Variants in ZNF304 observed in about 807,000 individuals in gnomAD.
ZNF304 encodes KRAB-containing zinc finger protein.
In ZNF304, 7 loss-of-function variants were observed where a neutral mutation model predicts 7.8. The observed-to-expected ratio is 0.90, with a 90% CI of 0.51 to 1.69. ZNF304 has a LOEUF of 1.69. ZNF304 is among the 40% of genes most tolerant of loss of function. The pLI is 0.00. For missense variants in ZNF304, 669 were observed against 804.8 expected, an observed-to-expected ratio of 0.83 and a Z score of 2.04; for synonymous variants, 280 against 272.4, an observed-to-expected ratio of 1.03 and a Z score of -0.27.
At position 57,351,432 on chromosome 19, in the gene ZNF304, G is replaced by A. The variant is rs552377900; in HGVS notation, c.-233G>A. On this transcript the variant is annotated 5_prime_UTR_variant, in exon 1 of 3. Transcript: ENST00000282286. The surrounding 1 kb of genome is among the most constrained non-coding windows in gnomAD (Gnocchi z 4.1). ...TGTTACAATCCATGACCCCTGTCGT[G>A]GGACGGGCGGCCTCTCGCGGAGGTG... 5.3e-5 allele frequency: 31 copies of A among 585,756 alleles called. No individual in the cohort carries two copies. The African/African-American group carries it at 5.5e-4, about 10-fold the overall frequency. 36.3% of individuals were successfully genotyped at this position (585,756 alleles called of 1,614,324 possible). A position where few individuals can be genotyped will look rare whatever the true frequency, so the allele number is the denominator to read the frequency against.
chr19:57,357,210 C>T lies in ZNF304; in HGVS notation c.1341C>T (p.Tyr447=), dbSNP rs755061704. 6.2e-6 allele frequency: 10 copies of T among 1,612,738 alleles called. No individual in the cohort carries two copies. Among genetic ancestry groups the T allele is most frequent in the Admixed American group, 1.7e-5 (1 of 59,848 alleles). Residue 447 remains tyrosine (Y), a synonymous_variant, in exon 3 of 3, where the codon TAC becomes TAT. Transcript: ENST00000282286. ...HRRVHTGARS[Y]VCSKCGKAFG... ...GAGTCCACACAGGAGCAAGATCCTA[C>T]GTGTGCAGCAAATGTGGGAAGGCCT...
chr19:57,353,122 T>G (rs1364342669), intron 1 of ZNF304, among the ~76,000 whole-genome samples: 1 of 152,148 alleles, frequency 6.6e-6, no homozygotes, highest in Non-Finnish European at 1.5e-5. Context: ...AGTAAGAAAG[T>G]TGAAACTGGA....
Position 57,357,874 on chromosome 19 carries a change from A to C in ZNF304, c.*25A>C, listed in dbSNP as rs141100868. On this transcript the variant is annotated 3_prime_UTR_variant, in exon 3 of 3. Transcript: ENST00000282286. ...ACACCAGAAAATTCACACAAGAGAA[A>C]GGCCTTATGAATGCAGAAAATATGT... 154 of 1,562,226 alleles carry C rather than the reference A, an allele frequency of 9.9e-5. No homozygotes were observed. The East Asian group carries it at 2.9e-3, about 29-fold the overall frequency.
chr19:57,358,426 T>G lies in ZNF304; in HGVS notation c.*577T>G, dbSNP rs924234984. The G allele has an allele frequency of 2.6e-5, 4 of 153,036 alleles. No individual in the cohort carries two copies. The highest frequency in any genetic ancestry group is 9.7e-5 in the African/African-American group (4 of 41,450). 9.5% of individuals were successfully genotyped at this position (153,036 alleles called of 1,614,324 possible). On this transcript the variant is annotated 3_prime_UTR_variant, in exon 3 of 3. Coordinates refer to ENST00000282286, the MANE Select transcript of ZNF304 (RefSeq NM_020657.4). The stretch of plus-strand genomic sequence containing the variant: ...ACGTGATAGCTGTGACTTACTTGTC[T>G]TACTGCCAAATCGCCCAAATTTGGA...
Position 57,357,409 on chromosome 19 carries a change from C to T in ZNF304, c.1540C>T (p.His514Tyr), listed in dbSNP as rs781252107. 2.5e-6 allele frequency: 4 copies of T among 1,613,930 alleles called. No individual in the cohort carries two copies. Among genetic ancestry groups the T allele is most frequent in the Non-Finnish European group, 3.4e-6 (4 of 1,180,030 alleles). Residue 514 changes from histidine to tyrosine, a missense_variant, in exon 3 of 3, where the codon CAT becomes TAT. Transcript: ENST00000282286. ...ECGECGKFFS[H>Y]SSNLIVHQRI... ...TGGTGAATGTGGTAAATTCTTCAGC[C>T]ATAGCTCCAACCTTATTGTACACCA...
At position 57,351,952 on chromosome 19, in the gene ZNF304, CAG is replaced by C. The variant is rs141290549; in HGVS notation, c.33+258_33+259del. 5.4e-3 allele frequency: 2,462 copies of C among 454,924 alleles called. 51 individuals carry two copies. The highest frequency in any genetic ancestry group is 0.044 in the African/African-American group (2,175 of 49,070). The allele number at this position is 454,924 out of a possible 1,614,324, so 28.2% of individuals were successfully genotyped here. A position where few individuals can be genotyped will look rare whatever the true frequency, so the allele number is the denominator to read the frequency against. ...CTGGTGAGAACAGGGACTAGGGGGT[CAG>C]AGGTAGGCCTGGAATGGCCGCCCGA... On this transcript the variant is annotated intron_variant, in intron 1 of 2. Transcript: ENST00000282286. This position sits in a 1 kb window ranked among gnomAD's most constrained non-coding sequence, Gnocchi z 4.1.
Position 57,356,783 on chromosome 19 carries a change from G to T in ZNF304, c.914G>T (p.Arg305Ile). The T allele has an allele frequency of 6.2e-7, 1 of 1,614,188 alleles. No homozygotes were observed. Among genetic ancestry groups the T allele is most frequent in the South Asian group, 1.1e-5 (1 of 91,072 alleles). Residue 305 changes from arginine to isoleucine, a missense_variant, in exon 3 of 3, where the codon AGA (arginine) becomes ATA (isoleucine). Coordinates refer to ENST00000282286, the MANE Select transcript of ZNF304 (RefSeq NM_020657.4). The part of the protein sequence containing the change: ...KMHQKFHTGK[R>I]HYTCSECGKA... ...CACCAGAAATTTCACACTGGAAAAAGACACTATACATGCAGTGAATGTGGG... is the reference window on the plus strand; with the variant it reads ...CACCAGAAATTTCACACTGGAAAAATACACTATACATGCAGTGAATGTGGG...
Position 57,356,946 on chromosome 19 carries a change from A to G in ZNF304, c.1077A>G (p.Gly359=). 8 of 1,605,044 alleles carry G rather than the reference A, an allele frequency of 5.0e-6. No homozygotes were observed. The highest frequency in any genetic ancestry group is 6.8e-6 in the Non-Finnish European group (8 of 1,172,676). ...TTCAGCACCAGAGAATTCACACAGG[A>G]GAAAGGCCTTATAAGTGCAACAAAT... ...HLVQHQRIHT[G]ERPYKCNKCG... Residue 359 remains glycine (G), a synonymous_variant, in exon 3 of 3, where the codon GGA becomes GGG. Coordinates refer to ENST00000282286, the MANE Select transcript of ZNF304 (RefSeq NM_020657.4).
chr19:57,355,438 G>T, intron 2 of ZNF304: 1 of 734,500 alleles, frequency 1.4e-6, no homozygotes, highest in South Asian at 1.4e-5. Flanking sequence ...GGTTCAAATC[G>T]AACCTTCAAC....
chr19:57,353,739 C>T lies in ZNF304; in HGVS notation c.48C>T (p.Phe16=), dbSNP rs1194240879. Residue 16 remains phenylalanine (F), a synonymous_variant, in exon 2 of 3, where the codon TTC becomes TTT. Transcript: ENST00000282286. ...TATCATGGCAGAGTTGTGTGACCTT[C>T]GAGGATGTGTTCGTGTACTTCTCTC... is the stretch of plus-strand genomic sequence containing the variant. The part of the protein sequence containing the change: ...LMDRVQSCVT[F]EDVFVYFSRE... The T allele has an allele frequency of 4.3e-6, 7 of 1,611,556 alleles. No individual in the cohort carries two copies. In the South Asian group the frequency reaches 4.4e-5, roughly 10 times the overall value.
At position 57,357,989 on chromosome 19, in the gene ZNF304, T is replaced by C. The variant is rs552859442; in HGVS notation, c.*140T>C. On this transcript the variant is annotated 3_prime_UTR_variant, in exon 3 of 3. Coordinates refer to ENST00000282286, the MANE Select transcript of ZNF304 (RefSeq NM_020657.4). ...ACCATCAGCTAGCAGATGAGCACCG[T>C]ATATTCATTCCACCCTGGGGAGATT... 53 of 1,059,694 alleles carry C rather than the reference T, an allele frequency of 5.0e-5. 1 individual carries two copies. The South Asian group carries it at 8.2e-4, about 16-fold the overall frequency. The allele number at this position is 1,059,694 out of a possible 1,614,324, so 65.6% of individuals were successfully genotyped here.
At position 57,351,633 on chromosome 19, in the gene ZNF304, C is replaced by T. The variant is rs760033882; in HGVS notation, c.-32C>T. ...GTGGAGGCGTGGGGTTTCGGCTGAG[C>T]CCACAGGGCACAGACTGTTCATCCG... On this transcript the variant is annotated 5_prime_UTR_variant, in exon 1 of 3. Transcript: ENST00000282286. The surrounding 1 kb of genome is among the most constrained non-coding windows in gnomAD (Gnocchi z 4.1). 8.1e-6 allele frequency: 13 copies of T among 1,613,042 alleles called. No homozygotes were observed. The highest frequency in any genetic ancestry group is 2.2e-5 in the East Asian group (1 of 44,844).
chr19:57,353,919 A>G (rs1198134345), intron 2 of ZNF304, 68 bp downstream of exon 2: 1 of 1,243,690 alleles, frequency 8.0e-7, no homozygotes, highest in African/African-American at 1.5e-5. Flanking sequence ...ACTGCAAACA[A>G]TAAAAATCAA....
chr19:57,356,431 A>C lies in ZNF304; in HGVS notation c.562A>C (p.Thr188Pro). ...DSSGLFQHQT[T>P]YNRVSPCRRT... ...CTCTGGCCTTTTCCAGCACCAGACC[A>C]CTTACAATAGGGTGAGTCCATGCAG... is the stretch of plus-strand genomic sequence containing the variant. The change falls in exon 3 of 3, where the codon ACT (threonine) becomes CCT (proline). Residue 188 changes from threonine to proline, a missense_variant. Transcript: ENST00000282286. 1 of 1,614,194 alleles carries C rather than the reference A, an allele frequency of 6.2e-7. No individual in the cohort carries two copies. The highest frequency in any genetic ancestry group is 8.5e-7 in the Non-Finnish European group (1 of 1,180,030).
intron 2 of ZNF304, 62 bp from the exon 3 acceptor site, chr19:57,355,968 G>A (rs1286041304): frequency 6.5e-7 from 1 of 1,543,898 alleles, no homozygotes; most frequent in Admixed American, 1.9e-5. Context: ...ACACATTTGT[G>A]ATGGGGCTGC....
chr19:57,355,796 ACCTATACTC>A (rs1436477041), intron 2 of ZNF304, among the ~76,000 whole-genome samples: 1 of 152,196 alleles, frequency 6.6e-6, no homozygotes, highest in Non-Finnish European at 1.5e-5. Context: ...TAGAGGCTTC[ACCTATACTC>A]CCTATACTCT....
intron 1 of ZNF304, 107 bp from the exon 2 acceptor site, chr19:57,353,618 T>C: frequency 6.9e-7 from 1 of 1,441,454 alleles, no homozygotes; most frequent in Non-Finnish European, 9.2e-7. Flanking sequence ...GTTGGGAGGC[T>C]GGGGAGGCGA....
At chr19:57,353,069 T>G (rs1044887441) in intron 1 of ZNF304, among the ~76,000 whole-genome samples, 4 of 151,474 alleles carry the variant, frequency 2.6e-5, no homozygotes, top group Non-Finnish European at 4.4e-5. Context: ...GTGTGTGGAG[T>G]GGGATGGGGT....
At chr19:57,353,997 GTTTTT>G (rs35055601) in intron 2 of ZNF304, 146 bp downstream of exon 2, 1 of 608,958 alleles carries the variant, frequency 1.6e-6, no homozygotes, top group Admixed American at 3.8e-5. Context: ...TATTTTGAGG[GTTTTT>G]TTTTTGTTTT....
Sources: allele counts gnomAD v4.1 joint callset (sites outside exome capture counted in the v4.1 genomes callset), GRCh38; gene constraint gnomAD v4.1.1; non-coding constraint Gnocchi (gnomAD v3.1); transcripts MANE v1.5; gene names NCBI Gene and HGNC (gene_info 2026-07-23, HGNC 2026-07-21).